Variants in DDAH1 observed in about 807,000 individuals in gnomAD.
DDAH1 encodes the protein N(G),N(G)-dimethylarginine dimethylaminohydrolase 1.
DDAH1 carries 19 observed loss-of-function variants against 28.8 expected under a neutral mutation model. That is an observed-to-expected ratio of 0.66 (90% CI 0.46 to 0.97). DDAH1 has a LOEUF of 0.97. Ranked by LOEUF, DDAH1 falls within the 50% of genes least tolerant of loss-of-function variation. DDAH1 has a pLI of 0.00. For missense variants in DDAH1, 326 were observed against 375.9 expected (o/e 0.87, Z 1.10); for synonymous variants, 153 against 154.4 (o/e 0.99, Z 0.07).
intron 4 of DDAH1, among the ~76,000 whole-genome samples, chr1:85,341,132 C>G (rs1052866536): frequency 6.6e-6 from 1 of 152,204 alleles, no homozygotes; most frequent in Non-Finnish European, 1.5e-5. Flanking sequence ...TTTTAATGTT[C>G]TCTCTTGTTT....
rs139448358 is a variant in DDAH1 at position 85,406,886 on chromosome 1, T to C, written c.304-48039A>G. On this transcript the variant is annotated intron_variant, in intron 1 of 5. Coordinates refer to ENST00000284031, the MANE Select transcript of DDAH1 (RefSeq NM_012137.4). ...ATTAAAGCTTTAAAATAAAATGCTA[T>C]ATTACAAGGGTCTTTATGACTCAAA... is the stretch of plus-strand genomic sequence containing the variant. 4.7e-3 allele frequency among the ~76,000 whole-genome samples: 717 copies of C among 152,202 alleles called. 2 individuals are homozygous for C. Among genetic ancestry groups the C allele is most frequent in the African/African-American group, 0.017 (688 of 41,564 alleles).
At chr1:85,394,799 C>T (rs11161608) in intron 1 of DDAH1, among the ~76,000 whole-genome samples, 150,284 of 152,326 alleles carry the variant, frequency 0.99, 74,165 homozygotes, top group South Asian at 1. Flanking sequence ...TCAAAAATCT[C>T]AAAGTAACAT....
chr1:85,490,832 C>A (rs185916915), intron 2 of DDAH1, among the ~76,000 whole-genome samples: 46 of 152,272 alleles, frequency 3.0e-4, no homozygotes, highest in Non-Finnish European at 5.7e-4. Flanking sequence ...TTATGATAGG[C>A]CTCCCTTCCT....
At chr1:85,417,314 A>G (rs912546732) in intron 1 of DDAH1, among the ~76,000 whole-genome samples, 4 of 150,168 alleles carry the variant, frequency 2.7e-5, no homozygotes, top group Admixed American at 2.0e-4. Context: ...GAGTGGGAAC[A>G]GCGGGGAGGG....
intron 4 of DDAH1, among the ~76,000 whole-genome samples, chr1:85,325,425 G>A (rs1342580109): frequency 6.6e-6 from 1 of 152,142 alleles, no homozygotes; most frequent in Non-Finnish European, 1.5e-5. Context: ...CTGTTCATTG[G>A]CAGGTGATGG....
At chr1:85,381,919 C>T (rs1651016178) in intron 1 of DDAH1, among the ~76,000 whole-genome samples, 1 of 152,098 alleles carries the variant, frequency 6.6e-6, no homozygotes, top group Admixed American at 6.6e-5. Flanking sequence ...ACTCCATTGA[C>T]TGGTTTGTTT....
chr1:85,397,858 G>A (rs981926577), intron 1 of DDAH1, among the ~76,000 whole-genome samples: 1 of 152,046 alleles, frequency 6.6e-6, no homozygotes, highest in Admixed American at 6.6e-5. Context: ...GGCCTCTCTC[G>A]CTATGTGACT....
intron 1 of DDAH1, among the ~76,000 whole-genome samples, chr1:85,560,254 A>G (rs1022111824): frequency 7.9e-5 from 12 of 152,134 alleles, no homozygotes; most frequent in South Asian, 2.1e-4. Flanking sequence ...GGCAAAATAA[A>G]AACTGTTTTA....
Position 85,436,584 on chromosome 1 carries a change from T to C in DDAH1, c.303+28159A>G, listed in dbSNP as rs56909928. 1.1e-3 allele frequency among the ~76,000 whole-genome samples: 169 copies of C among 152,336 alleles called. 2 individuals are homozygous for C. The East Asian group carries it at 0.03, about 27-fold the overall frequency. On this transcript the variant is annotated intron_variant, in intron 1 of 5. Coordinates refer to ENST00000284031, the MANE Select transcript of DDAH1 (RefSeq NM_012137.4). ...TCAGAGCTGGCTCAGGCACAAAGTG[T>C]TGCTGATGCTGCAGAAGCTCTGCTG...
intron 1 of DDAH1, among the ~76,000 whole-genome samples, chr1:85,507,747 G>C (rs1289847016): frequency 1.3e-5 from 2 of 151,968 alleles, no homozygotes; most frequent in Non-Finnish European, 2.9e-5. Flanking sequence ...GGGTTGTTAT[G>C]GCCTTTTAGT....
chr1:85,572,859 G>GT (rs1412125187), intron 1 of DDAH1, among the ~76,000 whole-genome samples: 1 of 152,244 alleles, frequency 6.6e-6, no homozygotes, highest in African/African-American at 2.4e-5. Context: ...CATTTGAGTG[G>GT]TTTTTTAGAT....
At chr1:85,529,063 A>T (rs1454444524) in intron 1 of DDAH1, among the ~76,000 whole-genome samples, 1 of 150,488 alleles carries the variant, frequency 6.6e-6, no homozygotes, top group African/African-American at 2.5e-5. Flanking sequence ...TGGACACTTG[A>T]TGGTTCCTTA....
rs143705304 is a variant in DDAH1 at position 85,445,059 on chromosome 1, C to T, written c.303+19684G>A. Among the ~76,000 whole-genome samples the T allele has an allele frequency of 1.8e-3, 269 of 152,254 alleles. 10 individuals carry two copies. In the East Asian group the frequency reaches 0.045, roughly 26 times the overall value. ...AGGCTGGGAGCCTAGGCCAGTCTCT[C>T]TTTTCACATTTTTCAGCCTGTTTAT... On this transcript the variant is annotated intron_variant, in intron 1 of 5. Coordinates refer to ENST00000284031, the MANE Select transcript of DDAH1 (RefSeq NM_012137.4).
chr1:85,497,418 T>C (rs1413447964), intron 1 of DDAH1, among the ~76,000 whole-genome samples: 1 of 152,248 alleles, frequency 6.6e-6, no homozygotes, highest in African/African-American at 2.4e-5. Context: ...CAGTCCTTTT[T>C]ACAGCAGTGT....
chr1:85,390,216 G>A (rs1238909993), intron 1 of DDAH1, among the ~76,000 whole-genome samples: 1 of 152,154 alleles, frequency 6.6e-6, no homozygotes, highest in Non-Finnish European at 1.5e-5. Flanking sequence ...GACAAATAGG[G>A]ATCATATATC....
chr1:85,570,966 G>A, intron 1 of DDAH1, among the ~76,000 whole-genome samples: 1 of 152,212 alleles, frequency 6.6e-6, no homozygotes, highest in East Asian at 1.9e-4. Flanking sequence ...GTAGAAAGAG[G>A]ACGGAACTTG....
rs545278928 is a variant in DDAH1 at position 85,441,016 on chromosome 1, T to G, written c.303+23727A>C. Among the ~76,000 whole-genome samples, 8 of 152,246 alleles carry G rather than the reference T, an allele frequency of 5.3e-5. No homozygotes were observed. The South Asian group carries it at 1.7e-3, about 32-fold the overall frequency. ...GAAAGTTTCCATCTCCACCCCAACT[T>G]CTAAATAAAGTGGCATGTCAGCCCT... is the stretch of plus-strand genomic sequence containing the variant. On this transcript the variant is annotated intron_variant, in intron 1 of 5. Coordinates refer to ENST00000284031, the MANE Select transcript of DDAH1 (RefSeq NM_012137.4).
At chr1:85,457,302 T>C (rs552728052) in intron 1 of DDAH1, among the ~76,000 whole-genome samples, 1 of 152,248 alleles carries the variant, frequency 6.6e-6, no homozygotes, top group Non-Finnish European at 1.5e-5. Flanking sequence ...CTTCCCCTGG[T>C]TAATTCTCAC....
At chr1:85,492,917 G>A (rs1656455072) in intron 2 of DDAH1, among the ~76,000 whole-genome samples, 1 of 151,988 alleles carries the variant, frequency 6.6e-6, no homozygotes, top group Non-Finnish European at 1.5e-5. Context: ...TACAGAAACT[G>A]TGCCCTACAT....
Sources: allele counts gnomAD v4.1 joint callset (sites outside exome capture counted in the v4.1 genomes callset), GRCh38; gene constraint gnomAD v4.1.1; transcripts MANE v1.5; gene names NCBI Gene and HGNC (gene_info 2026-07-23, HGNC 2026-07-21).